Variants in ARCN1 observed in about 807,000 individuals in gnomAD.
ARCN1 encodes archain 1 coat protein complex I subunit delta.
Under a neutral mutation model 60.4 loss-of-function variants are expected in ARCN1, and 5 were observed. That is an observed-to-expected ratio of 0.08 (90% CI 0.04 to 0.17). The LOEUF is 0.17. ARCN1 is among the 10% of genes least tolerant of loss of function. The pLI is 1.00. For missense variants in ARCN1, 464 were observed against 626.5 expected, an observed-to-expected ratio of 0.74 and a Z score of 2.77; for synonymous variants, 224 against 220.0, an observed-to-expected ratio of 1.02 and a Z score of -0.16.
chr11:118,590,099 G>A (rs145032595), intron 5 of ARCN1, among the ~76,000 whole-genome samples: 120 of 152,254 alleles, frequency 7.9e-4, no homozygotes, highest in African/African-American at 2.5e-3. Context: ...TGGTTCAAGC[G>A]ATTCTCCTGC....
rs1938899505 is a variant in ARCN1 at position 118,591,171 on chromosome 11, G to GAT, written c.984+673_984+674dup. The stretch of plus-strand genomic sequence containing the variant: ...GTGTGTGTGTTCCAACTATTGGATA[G>GAT]ATATATATAAGCCCTGCTTTATGTT... On this transcript the variant is annotated intron_variant, in intron 6 of 9. Coordinates refer to ENST00000264028, the MANE Select transcript of ARCN1 (RefSeq NM_001655.5). Among the ~76,000 whole-genome samples the GAT allele has an allele frequency of 2.0e-5, 3 of 152,204 alleles. No individual in the cohort carries two copies. In the South Asian group the frequency reaches 6.2e-4, roughly 31 times the overall value.
At chr11:118,576,568 C>T (rs1310572803) in intron 1 of ARCN1, among the ~76,000 whole-genome samples, 2 of 151,346 alleles carry the variant, frequency 1.3e-5, no homozygotes, top group Admixed American at 6.6e-5. Flanking sequence ...ATTGTTAAAC[C>T]AGTAAACATT....
At chr11:118,599,293 A>G (rs1241670124) in intron 9 of ARCN1, among the ~76,000 whole-genome samples, 1 of 151,958 alleles carries the variant, frequency 6.6e-6, no homozygotes, top group African/African-American at 2.4e-5. Context: ...GTATTTCACC[A>G]TGTTGGCCAG....
At chr11:118,592,893 C>T in intron 7 of ARCN1, 37 bp downstream of exon 7, 2 of 1,576,274 alleles carry the variant, frequency 1.3e-6, no homozygotes, top group Non-Finnish European at 1.7e-6. Flanking sequence ...AGCTAGTTTG[C>T]ATTGAGAACT....
rs1938538202 is a variant in ARCN1, at chr11:118,577,256, T to TTTCTTTC, written c.4-3988_4-3987insCTTTCTT. ...TGTTTCTTTCTTTCTTTCTTTCTTT[T>TTTCTTTC]TTTTTTTTGAGGCAGAGTCTCACTT... On this transcript the variant is annotated intron_variant, in intron 1 of 9. Transcript: ENST00000264028. Among the ~76,000 whole-genome samples, 2 of 151,936 alleles carry TTTCTTTC rather than the reference T, an allele frequency of 1.3e-5. 1 individual carries two copies. Among genetic ancestry groups the TTTCTTTC allele is most frequent in the African/African-American group, 4.8e-5 (2 of 41,382 alleles).
chr11:118,584,339 A>G (rs957333115), intron 4 of ARCN1, 141 bp from the exon 5 acceptor site: 6 of 753,016 alleles, frequency 8.0e-6, no homozygotes, highest in African/African-American at 5.3e-5. Flanking sequence ...TTTAGGGGAA[A>G]TCTGTGAATT....
At position 118,586,311 on chromosome 11, in the gene ARCN1, G is replaced by A. The variant is rs184245895; in HGVS notation, c.818+1667G>A. ...GAGTTTTGCCGTGTTGGCCAGGTGG[G>A]TCTCGAACTCCTGACCTCAAGTGAT... On this transcript the variant is annotated intron_variant, in intron 5 of 9. Coordinates refer to ENST00000264028, the MANE Select transcript of ARCN1 (RefSeq NM_001655.5). 5.3e-5 allele frequency among the ~76,000 whole-genome samples: 8 copies of A among 152,174 alleles called. 1 individual carries two copies. In the East Asian group the frequency reaches 1.6e-3, roughly 30 times the overall value.
chr11:118,593,885 A>G (rs1361150508), intron 8 of ARCN1, 187 bp downstream of exon 8: 15 of 459,478 alleles, frequency 3.3e-5, no homozygotes, highest in Non-Finnish European at 6.0e-5. Context: ...CTTTCTGGAA[A>G]AGGTAATACT....
chr11:118,581,937 G>GACACACACACACACACAC (rs34532442), intron 2 of ARCN1, among the ~76,000 whole-genome samples: 61 of 140,806 alleles, frequency 4.3e-4, no homozygotes, highest in African/African-American at 1.4e-3. Flanking sequence ...CAGACAGACA[G>GACACACACACACACACAC]ACACACACAC....
Position 118,583,247 on chromosome 11 carries a change from T to G in ARCN1, c.336T>G (p.Ala112=). 6.2e-7 allele frequency: 1 copy of G among 1,614,218 alleles called. No individual in the cohort carries two copies. Among genetic ancestry groups the G allele is most frequent in the Non-Finnish European group, 8.5e-7 (1 of 1,180,034 alleles). ...ISEHCFDLIF[A]FDEIVALGYR... is the part of the protein sequence containing the mutation. ...AGCACTGTTTTGATTTGATTTTTGC[T>G]TTTGATGAAATTGTCGCACTGGGAT... The change falls in exon 3 of 10, where the codon GCT becomes GCG. Residue 112 remains alanine (A), a synonymous_variant. Coordinates refer to ENST00000264028, the MANE Select transcript of ARCN1 (RefSeq NM_001655.5).
Position 118,581,919 on chromosome 11 carries a change from GAGACAGAC to G in ARCN1, c.267+424_267+431del, listed in dbSNP as rs1206415299. 1.1e-4 allele frequency among the ~76,000 whole-genome samples: 14 copies of G among 123,550 alleles called. 1 individual carries two copies. The East Asian group carries it at 1.4e-3, about 13-fold the overall frequency. 81.1% of individuals were successfully genotyped at this position (123,550 alleles called of 152,430 possible). The stretch of plus-strand genomic sequence containing the variant: ...GACTTAGGTAAGACTTACTGATCCA[GAGACAGAC>G]AGACAGACAGACACACACACACACA... On this transcript the variant is annotated intron_variant, in intron 2 of 9. Coordinates refer to ENST00000264028, the MANE Select transcript of ARCN1 (RefSeq NM_001655.5).
At chr11:118,590,061 A>G (rs1938864052) in intron 5 of ARCN1, among the ~76,000 whole-genome samples, 1 of 152,086 alleles carries the variant, frequency 6.6e-6, no homozygotes, top group Admixed American at 6.5e-5. Context: ...CAGTGGGACA[A>G]TCTCGGCTCA....
intron 1 of ARCN1, 110 bp from the exon 2 acceptor site, chr11:118,581,136 C>G (rs573257471): frequency 1.5e-6 from 2 of 1,372,796 alleles, no homozygotes; most frequent in East Asian, 2.3e-5. Context: ...AATACTACTA[C>G]TAGTCATGTC....
At chr11:118,579,885 GT>G (rs1216983707) in intron 1 of ARCN1, among the ~76,000 whole-genome samples, 1 of 151,994 alleles carries the variant, frequency 6.6e-6, no homozygotes, top group Non-Finnish European at 1.5e-5. Flanking sequence ...TGAATCATCA[GT>G]TTGGTATTTA....
chr11:118,576,647 A>G (rs538062657), intron 1 of ARCN1, among the ~76,000 whole-genome samples: 1 of 152,294 alleles, frequency 6.6e-6, no homozygotes, highest in South Asian at 2.1e-4. Flanking sequence ...GGATAAATTT[A>G]TCATGTTTAG....
intron 1 of ARCN1, chr11:118,573,806 G>A (rs561221335): frequency 5.0e-5 from 25 of 499,982 alleles, no homozygotes; most frequent in African/African-American, 4.8e-4. Context: ...CATCAAACAG[G>A]TTTGCCTCCT....
In ARCN1 at chr11:118,572,495, C is replaced by T; in HGVS notation, c.-53C>T. On this transcript the variant is annotated 5_prime_UTR_variant, in exon 1 of 10. Coordinates refer to ENST00000264028, the MANE Select transcript of ARCN1 (RefSeq NM_001655.5). Reference sequence around the variant, plus strand: ...TGGTGCTCCCGTTCCCCAGACCCTACCCCTATCCCCAGTGGAGCCGGAGTG... The same window carrying T: ...TGGTGCTCCCGTTCCCCAGACCCTATCCCTATCCCCAGTGGAGCCGGAGTG... 6.2e-7 allele frequency: 1 copy of T among 1,607,110 alleles called. No individual in the cohort carries two copies.
chr11:118,581,693 A>G lies in ARCN1; in HGVS notation c.267+184A>G, dbSNP rs571577667. On this transcript the variant is annotated intron_variant, in intron 2 of 9. Transcript: ENST00000264028. ...TATTGGGTGTCCTCTTAGACTATAG[A>G]TGTCTCAAAAGAATATGGGAACTAC... Among the ~76,000 whole-genome samples the G allele has an allele frequency of 4.4e-4, 67 of 152,232 alleles. No homozygotes were observed. Among genetic ancestry groups the G allele is most frequent in the African/African-American group, 1.6e-3 (65 of 41,570 alleles).
chr11:118,600,657 C>T lies in ARCN1; in HGVS notation c.1479C>T (p.Ser493=). 6.2e-7 allele frequency: 1 copy of T among 1,612,086 alleles called. No individual in the cohort carries two copies. Among genetic ancestry groups the T allele is most frequent in the Non-Finnish European group, 8.5e-7 (1 of 1,179,144 alleles). Residue 493 remains serine, a synonymous_variant, in exon 10 of 10, where the codon AGC becomes AGT. Coordinates refer to ENST00000264028, the MANE Select transcript of ARCN1 (RefSeq NM_001655.5). ...VTKVTQVDGN[S]PVRFSTETTF... ...AAGTGACCCAGGTAGATGGAAACAG[C>T]CCCGTCAGGTTTTCCACAGAGACCA... is the stretch of plus-strand genomic sequence containing the variant.
Sources: allele counts gnomAD v4.1 joint callset (sites outside exome capture counted in the v4.1 genomes callset), GRCh38; gene constraint gnomAD v4.1.1; transcripts MANE v1.5; gene names NCBI Gene and HGNC (gene_info 2026-07-23, HGNC 2026-07-21).